The following BYSL variants were observed in gnomAD, a reference collection of about 807,000 sequenced individuals.
BYSL encodes bystin.
A neutral mutation model predicts 45.4 loss-of-function variants in BYSL; 21 were observed. The ratio of observed to expected loss-of-function variants is 0.46; its 90% CI spans 0.33 to 0.67. The LOEUF is 0.67. BYSL is among the 30% of genes least tolerant of loss of function. The pLI is 0.02. For missense variants in BYSL, 522 were observed against 578.5 expected, an observed-to-expected ratio of 0.90 and a Z score of 1.00; for synonymous variants, 215 against 231.3, an observed-to-expected ratio of 0.93 and a Z score of 0.64.
chr6:41,912,605 C>A, the BYSL span, among the ~76,000 whole-genome samples: 1 of 152,070 alleles, frequency 6.6e-6, no homozygotes, highest in Non-Finnish European at 1.5e-5. Flanking sequence ...GATCTGCCCG[C>A]CTCGGCCTCC....
At chr6:41,909,464 G>T in the BYSL span, 1 of 1,614,124 alleles carries the variant, frequency 6.2e-7, no homozygotes, top group Non-Finnish European at 8.5e-7. Context: ...CAAAGAGGGC[G>T]AAACAGCTCA....
chr6:41,915,631 C>CA, the BYSL span, among the ~76,000 whole-genome samples: 240 of 152,238 alleles, frequency 1.6e-3, 1 homozygote, highest in African/African-American at 5.6e-3. Flanking sequence ...ACTAAAAATA[C>CA]AAAAAATTAG....
chr6:41,919,128 CAAAAAAAA>C (rs35512146), upstream of BYSL, among the ~76,000 whole-genome samples: 9 of 44,888 alleles, frequency 2.0e-4, no homozygotes, highest in South Asian at 8.6e-4. Context: ...GACTCTGCCT[CAAAAAAAA>C]AAAAAAAAAA....
intron 6 of BYSL, among the ~76,000 whole-genome samples, 163 bp downstream of exon 6, chr6:41,931,993 T>C (rs551143219): frequency 6.6e-6 from 1 of 152,286 alleles, no homozygotes; most frequent in African/African-American, 2.4e-5. Context: ...TCAATGTAAG[T>C]TGTGCAACAA....
intron 2 of BYSL, 102 bp from the exon 3 acceptor site, chr6:41,930,030 G>C: frequency 1.4e-6 from 2 of 1,451,570 alleles, no homozygotes; most frequent in Non-Finnish European, 1.9e-6. Flanking sequence ...TCGCAGTATG[G>C]CGGTGCTCAC....
At chr6:41,908,881 T>A in the BYSL span, 1 of 251,754 alleles carries the variant, frequency 4.0e-6, no homozygotes, top group Non-Finnish European at 7.5e-6. Flanking sequence ...CATAAATATC[T>A]GTTTAAATTG....
chr6:41,920,962 C>T (rs1337011134), upstream of BYSL: 1 of 1,598,966 alleles, frequency 6.3e-7, no homozygotes, highest in Non-Finnish European at 8.5e-7. Context: ...TCCGGCCTTT[C>T]ACAACTCCAA....
intron 1 of BYSL, among the ~76,000 whole-genome samples, chr6:41,922,930 T>C (rs538613293): frequency 6.6e-6 from 1 of 152,192 alleles, no homozygotes; most frequent in South Asian, 2.1e-4. Flanking sequence ...CTCCTCTCTC[T>C]CCCTGCCCCC....
upstream of BYSL, among the ~76,000 whole-genome samples, chr6:41,920,607 T>C (rs954416477): frequency 6.6e-6 from 1 of 151,968 alleles, no homozygotes; most frequent in Admixed American, 6.5e-5. Flanking sequence ...AAACCCCATT[T>C]CTACTAAAAA....
At chr6:41,927,682 C>T in intron 2 of BYSL, 146 bp downstream of exon 2, 2 of 886,210 alleles carry the variant, frequency 2.3e-6, no homozygotes, top group Non-Finnish European at 3.4e-6. Context: ...ACTGGCCCAT[C>T]CTCAAAGGAC....
At chr6:41,925,271 A>T (rs1009464135) in intron 1 of BYSL, among the ~76,000 whole-genome samples, 1 of 152,178 alleles carries the variant, frequency 6.6e-6, no homozygotes, top group Admixed American at 6.5e-5. Flanking sequence ...GATACGTAGC[A>T]TTATAGCTCC....
upstream of BYSL, chr6:41,921,472 C>A: frequency 6.8e-7 from 1 of 1,466,568 alleles, no homozygotes; most frequent in Non-Finnish European, 9.0e-7. Flanking sequence ...GCCGGGCGGC[C>A]TCTTGGGCGC....
In BYSL at chr6:41,927,378, A is replaced by G. The variant is rs747157996; in HGVS notation, c.273A>G (p.Pro91=). ...APRERTTRLG[P]RMPQDGSDDE... The stretch of plus-strand genomic sequence containing the variant: ...ATTTAGTCTCCCCTCTTCTAGGTCC[A>G]AGAATGCCTCAGGATGGATCAGATG... The change falls in exon 2 of 7, where the codon CCA becomes CCG. Residue 91 remains proline, a synonymous_variant. Coordinates refer to ENST00000230340, the MANE Select transcript of BYSL (RefSeq NM_004053.4). The G allele has an allele frequency of 2.5e-6, 4 of 1,613,958 alleles. No individual in the cohort carries two copies. Among genetic ancestry groups the G allele is most frequent in the Non-Finnish European group, 3.4e-6 (4 of 1,179,960 alleles).
In BYSL at chr6:41,932,358, T is replaced by G; in HGVS notation, c.969-3T>G. The G allele has an allele frequency of 6.2e-7, 1 of 1,606,218 alleles. No homozygotes were observed. Among genetic ancestry groups the G allele is most frequent in the East Asian group, 2.2e-5 (1 of 44,846 alleles). On this transcript the variant is annotated splice_region_variant and splice_polypyrimidine_tract_variant and intron_variant, in intron 6 of 6. Transcript: ENST00000230340. The surrounding 1 kb of genome is among the most constrained non-coding windows in gnomAD (Gnocchi z 4.7). ...ACTCTACCCCACCTCCCTTTCCCAC[T>G]AGTGCGGCCATGCTGAAAATTGCTG...
chr6:41,930,040 CAG>C (rs1007033333), intron 2 of BYSL, 90 bp from the exon 3 acceptor site: 18 of 1,518,388 alleles, frequency 1.2e-5, no homozygotes, highest in Non-Finnish European at 1.5e-5. Flanking sequence ...GCGGTGCTCA[CAG>C]GGGACTGTGG....
At chr6:41,909,095 G>A in the BYSL span, 2 of 778,958 alleles carry the variant, frequency 2.6e-6, no homozygotes, top group African/African-American at 1.7e-5. Context: ...GATCACTTGA[G>A]CCCTGGAGGT....
upstream of BYSL, chr6:41,917,659 C>T (rs952075960): frequency 4.7e-6 from 2 of 421,056 alleles, no homozygotes; most frequent in Non-Finnish European, 1.0e-5. Flanking sequence ...TGTGGCATGC[C>T]AAAGATTCTA....
upstream of BYSL, among the ~76,000 whole-genome samples, chr6:41,918,104 T>C (rs1775362100): frequency 6.6e-6 from 1 of 152,228 alleles, no homozygotes; most frequent in Non-Finnish European, 1.5e-5. Context: ...GGTAACCAAC[T>C]GCCAACCAAC....
At chr6:41,923,127 C>T (rs961071174) in intron 1 of BYSL, among the ~76,000 whole-genome samples, 3 of 120,684 alleles carry the variant, frequency 2.5e-5, no homozygotes, top group African/African-American at 7.3e-5. Context: ...TCATATTCTC[C>T]GTTTTTTCTT....
Sources: gnomAD v4.1 joint callset for allele counts (sites outside exome capture counted in the v4.1 genomes callset) on GRCh38, gnomAD v4.1.1 for gene constraint, Gnocchi (gnomAD v3.1) non-coding constraint, MANE v1.5 for transcripts, NCBI Gene and HGNC (gene_info 2026-07-23, HGNC 2026-07-21) for gene names.